Variants in DCC observed in about 807,000 individuals in gnomAD.
The protein encoded by DCC is DCC netrin 1 receptor, also known as netrin receptor DCC.
DCC carries 58 observed loss-of-function variants against 172.5 expected under a neutral mutation model. The observed-to-expected ratio is 0.34, with a 90% CI of 0.27 to 0.42. The LOEUF is 0.42. Ranked by LOEUF, DCC falls within the 10% of genes least tolerant of loss-of-function variation. DCC has a pLI of 1.00. For missense variants in DCC, 1,740 were observed against 1,791.0 expected, an observed-to-expected ratio of 0.97 and a Z score of 0.51; for synonymous variants, 709 against 644.5, an observed-to-expected ratio of 1.10 and a Z score of -1.52.
chr18:52,929,817 A>AACACACAC (rs34457182), intron 5 of DCC, among the ~76,000 whole-genome samples: 1,558 of 144,820 alleles, frequency 0.011, 10 homozygotes, highest in Middle Eastern at 0.021. Flanking sequence ...GGACTTTGCA[A>AACACACAC]ACACACACAC....
chr18:52,439,571 G>A (rs894796608), intron 1 of DCC, among the ~76,000 whole-genome samples: 12 of 152,150 alleles, frequency 7.9e-5, no homozygotes, highest in African/African-American at 2.7e-4. Flanking sequence ...GGTTGTGGGA[G>A]AGGCTTAGGT....
chr18:53,126,432 G>A (rs1277985323), intron 7 of DCC, among the ~76,000 whole-genome samples: 3 of 152,100 alleles, frequency 2.0e-5, no homozygotes, highest in Admixed American at 2.0e-4. Flanking sequence ...TTTTATCATG[G>A]AAATTAGGTA....
chr18:53,249,147 A>T (rs2056399117), intron 12 of DCC, among the ~76,000 whole-genome samples: 1 of 151,980 alleles, frequency 6.6e-6, no homozygotes, highest in Non-Finnish European at 1.5e-5. Flanking sequence ...TGTAATGTGG[A>T]TTCCCATAGT....
At chr18:52,929,382 A>T (rs1242430759) in intron 5 of DCC, among the ~76,000 whole-genome samples, 1 of 152,164 alleles carries the variant, frequency 6.6e-6, no homozygotes, top group African/African-American at 2.4e-5. Context: ...CAGCTATAAA[A>T]AAAAGCAGGT....
intron 15 of DCC, among the ~76,000 whole-genome samples, chr18:53,375,407 A>G (rs1442296598): frequency 6.6e-6 from 1 of 152,210 alleles, no homozygotes; most frequent in African/African-American, 2.4e-5. Context: ...AAGGAATTAC[A>G]AACATCTATA....
At chr18:52,777,926 G>C (rs2037463318) in intron 2 of DCC, among the ~76,000 whole-genome samples, 1 of 152,198 alleles carries the variant, frequency 6.6e-6, no homozygotes, top group African/African-American at 2.4e-5. Context: ...GACAAGGACA[G>C]CAGTCTCTTC....
At chr18:52,692,781 G>A (rs958724628) in intron 1 of DCC, among the ~76,000 whole-genome samples, 2 of 152,106 alleles carry the variant, frequency 1.3e-5, no homozygotes, top group Non-Finnish European at 2.9e-5. Context: ...TAAATTCATG[G>A]TGGGAGGGTA....
chr18:53,351,466 GTA>G (rs58177961), intron 15 of DCC, among the ~76,000 whole-genome samples: 15 of 37,294 alleles, frequency 4.0e-4, no homozygotes, highest in African/African-American at 1.4e-3. Context: ...TACACAGTGT[GTA>G]TATATATATA....
In DCC at chr18:53,283,925, A is replaced by G. The variant is rs1345028270; in HGVS notation, c.1912-21653A>G. Among the ~76,000 whole-genome samples the G allele has an allele frequency of 2.1e-5, 3 of 146,302 alleles. No individual in the cohort carries two copies. In the Admixed American group the frequency reaches 2.1e-4, roughly 10 times the overall value. Reference sequence around the variant, plus strand: ...TAGGGAGCTAAAAAACAAACAGATCAATGGAAACTTTGAACTGTGATAAAC... The same window carrying G: ...TAGGGAGCTAAAAAACAAACAGATCGATGGAAACTTTGAACTGTGATAAAC... On this transcript the variant is annotated intron_variant, in intron 12 of 28. Coordinates refer to ENST00000442544, the MANE Select transcript of DCC (RefSeq NM_005215.4).
At chr18:52,584,158 C>A (rs960999205) in intron 1 of DCC, among the ~76,000 whole-genome samples, 1 of 152,060 alleles carries the variant, frequency 6.6e-6, no homozygotes, top group African/African-American at 2.4e-5. Context: ...GCTGATTTTT[C>A]TTCTTTGATG....
intron 1 of DCC, among the ~76,000 whole-genome samples, chr18:52,469,540 C>A (rs776352977): frequency 5.3e-5 from 8 of 152,044 alleles, no homozygotes; most frequent in Non-Finnish European, 8.8e-5. Flanking sequence ...AATACTTATA[C>A]TAATGATAAA....
intron 1 of DCC, among the ~76,000 whole-genome samples, chr18:52,469,058 T>C (rs2144556392): frequency 6.6e-6 from 1 of 151,602 alleles, no homozygotes; most frequent in South Asian, 2.1e-4. Flanking sequence ...TTTATTTATT[T>C]ATTTATTTAT....
At chr18:52,998,737 G>A (rs926925714) in intron 5 of DCC, among the ~76,000 whole-genome samples, 4 of 151,948 alleles carry the variant, frequency 2.6e-5, no homozygotes, top group African/African-American at 7.2e-5. Context: ...AGAATATCTC[G>A]AATGTGTACA....
At chr18:52,962,187 G>T (rs1407539129) in intron 5 of DCC, among the ~76,000 whole-genome samples, 1 of 151,150 alleles carries the variant, frequency 6.6e-6, no homozygotes, top group African/African-American at 2.4e-5. Flanking sequence ...CAAAATGGGA[G>T]AAAATTTTCA....
chr18:53,302,240 TTGG>T (rs2057150489), intron 12 of DCC, among the ~76,000 whole-genome samples: 1 of 152,180 alleles, frequency 6.6e-6, no homozygotes, highest in African/African-American at 2.4e-5. Context: ...CATATGACTC[TTGG>T]TGGTCAAAAT....
chr18:52,654,363 G>A (rs1315691698), intron 1 of DCC, among the ~76,000 whole-genome samples: 1 of 152,144 alleles, frequency 6.6e-6, no homozygotes, highest in Admixed American at 6.6e-5. Flanking sequence ...CACAGAAATG[G>A]GGAGGAAAGC....
chr18:53,265,331 CT>C (rs912778720), intron 12 of DCC, among the ~76,000 whole-genome samples: 6 of 152,016 alleles, frequency 3.9e-5, no homozygotes, highest in African/African-American at 1.2e-4. Context: ...AAAAGGTAAA[CT>C]TTTTTGCATG....
At chr18:53,450,218 A>G (rs375039148) in intron 22 of DCC, among the ~76,000 whole-genome samples, 1 of 152,000 alleles carries the variant, frequency 6.6e-6, no homozygotes, top group African/African-American at 2.4e-5. Context: ...TTATTCATTT[A>G]TCAGTCCATA....
intron 5 of DCC, among the ~76,000 whole-genome samples, chr18:52,946,619 C>G (rs2040550403): frequency 6.6e-6 from 1 of 152,122 alleles, no homozygotes; most frequent in Non-Finnish European, 1.5e-5. Context: ...CATTTTCTTT[C>G]CATGGTGATA....
Sources: gnomAD v4.1 joint callset for allele counts (sites outside exome capture counted in the v4.1 genomes callset) on GRCh38, gnomAD v4.1.1 for gene constraint, MANE v1.5 for transcripts, NCBI Gene and HGNC (gene_info 2026-07-23, HGNC 2026-07-21) for gene names.